The following FGF12 variants were observed in gnomAD, a reference collection of about 807,000 sequenced individuals.
FGF12 encodes fibroblast growth factor 12.
Under a neutral mutation model 23.6 loss-of-function variants are expected in FGF12, and 14 were observed. The observed-to-expected ratio is 0.59, with a 90% CI of 0.39 to 0.93. FGF12 has a LOEUF of 0.93. FGF12 is among the 40% of genes least tolerant of loss of function. FGF12 has a pLI of 0.00. For synonymous variants in FGF12, 62 were observed against 77.3 expected, an observed-to-expected ratio of 0.80 and a Z score of 1.04; for missense variants, 175 against 217.8, an observed-to-expected ratio of 0.80 and a Z score of 1.24.
chr3:192,400,299 TTA>T (rs762616135), intron 2 of FGF12, among the ~76,000 whole-genome samples: 97 of 152,232 alleles, frequency 6.4e-4, no homozygotes, highest in Non-Finnish European at 1.1e-3. Context: ...GTAAACAGCC[TTA>T]TATATATGGG....
chr3:192,718,112 A>G (rs1056299165), intron 2 of FGF12, among the ~76,000 whole-genome samples: 4 of 151,184 alleles, frequency 2.6e-5, no homozygotes, highest in Admixed American at 1.3e-4. Context: ...CAATAATGTC[A>G]GTAAAACACT....
intron 2 of FGF12, among the ~76,000 whole-genome samples, chr3:192,493,658 G>C (rs575932983): frequency 2.0e-5 from 3 of 152,044 alleles, no homozygotes; most frequent in Admixed American, 6.6e-5. Flanking sequence ...TTACAATCAC[G>C]GCAGAAGGTA....
At chr3:192,206,577 CAGCACTCAATCTACATTAGTAAATG>C (rs1717659304) in intron 4 of FGF12, among the ~76,000 whole-genome samples, 1 of 152,174 alleles carries the variant, frequency 6.6e-6, no homozygotes, top group Non-Finnish European at 1.5e-5. Context: ...TCCAGTTTAA[CAGCACTCAATCTACATTAGTAAATG>C]AATATTTCTA....
Position 192,139,471 on chromosome 3 carries a change from G to T in FGF12, c.*4538C>A, listed in dbSNP as rs1314061289. On this transcript the variant is annotated 3_prime_UTR_variant, in exon 6 of 6. Coordinates refer to ENST00000445105, the MANE Select transcript of FGF12 (RefSeq NM_004113.6). Reference sequence around the variant, plus strand: ...TACAACATGTTTACTAAACATTTCAGTGTCAATAATTTCTTAAGATTGTAA... The same window carrying T: ...TACAACATGTTTACTAAACATTTCATTGTCAATAATTTCTTAAGATTGTAA... The T allele has an allele frequency of 1.1e-4, 17 of 152,128 alleles. No individual in the cohort carries two copies. Among genetic ancestry groups the T allele is most frequent in the Admixed American group, 1.1e-3 (17 of 15,278 alleles). The allele number at this position is 152,128 out of a possible 1,614,324, so 9.4% of individuals were successfully genotyped here. A position where few individuals can be genotyped will look rare whatever the true frequency, so the allele number is the denominator to read the frequency against.
chr3:192,175,918 C>CA (rs758690567), intron 4 of FGF12, among the ~76,000 whole-genome samples: 3 of 152,148 alleles, frequency 2.0e-5, no homozygotes, highest in Non-Finnish European at 4.4e-5. Flanking sequence ...TGCACATAGA[C>CA]AACTGTCACA....
chr3:192,504,207 A>T lies in FGF12; in HGVS notation c.14-143669T>A, dbSNP rs1284629578. On this transcript the variant is annotated intron_variant, in intron 2 of 5. Transcript: ENST00000445105. ...CTACTTGAGAGTGGAGGGTGTGGGG[A>T]GGGTGAAGACCAGAAAACTTTCTAT... Among the ~76,000 whole-genome samples the T allele has an allele frequency of 2.6e-5, 4 of 152,190 alleles. No homozygotes were observed. The East Asian group carries it at 7.8e-4, about 29-fold the overall frequency.
chr3:192,387,688 A>C (rs2108758417), intron 2 of FGF12, among the ~76,000 whole-genome samples: 1 of 148,996 alleles, frequency 6.7e-6, no homozygotes, highest in South Asian at 2.2e-4. Context: ...CTCTACAAAA[A>C]AAATACAAAA....
intron 2 of FGF12, among the ~76,000 whole-genome samples, chr3:192,691,216 A>C (rs1717932187): frequency 6.6e-6 from 1 of 152,134 alleles, no homozygotes; most frequent in African/African-American, 2.4e-5. Flanking sequence ...CATTCTATCC[A>C]TCAGCAACAG....
chr3:192,518,297 G>T (rs1724730949), intron 2 of FGF12, among the ~76,000 whole-genome samples: 1 of 152,020 alleles, frequency 6.6e-6, no homozygotes, highest in Non-Finnish European at 1.5e-5. Flanking sequence ...TTTTTGAGAA[G>T]GATTAGGAAT....
At chr3:192,176,208 C>T (rs147085612) in intron 4 of FGF12, among the ~76,000 whole-genome samples, 157 of 152,326 alleles carry the variant, frequency 1.0e-3, no homozygotes, top group African/African-American at 3.6e-3. Flanking sequence ...AACCCTCAAG[C>T]TGTGCTTTGC....
At chr3:192,216,231 G>A (rs1049652877) in intron 4 of FGF12, among the ~76,000 whole-genome samples, 19 of 151,592 alleles carry the variant, frequency 1.3e-4, no homozygotes, top group Admixed American at 3.9e-4. Context: ...TTTTCTCCTC[G>A]CACAAAGAAG....
chr3:192,577,798 G>A (rs1712973647), intron 2 of FGF12, among the ~76,000 whole-genome samples: 1 of 152,136 alleles, frequency 6.6e-6, no homozygotes, highest in Admixed American at 6.5e-5. Context: ...CAAATAGCAG[G>A]TGCCTGAATT....
At chr3:192,382,980 T>C (rs1425865078) in intron 2 of FGF12, among the ~76,000 whole-genome samples, 2 of 152,186 alleles carry the variant, frequency 1.3e-5, no homozygotes, top group African/African-American at 4.8e-5. Context: ...AGTCAAGAGA[T>C]GCCAGTGACT....
At chr3:192,715,751 T>C (rs1386780038) in intron 2 of FGF12, among the ~76,000 whole-genome samples, 1 of 152,254 alleles carries the variant, frequency 6.6e-6, no homozygotes, top group East Asian at 1.9e-4. Context: ...GGTTTCTCTT[T>C]ATGCATATCT....
At chr3:192,719,447 C>T (rs1217773352) in intron 2 of FGF12, among the ~76,000 whole-genome samples, 3 of 151,936 alleles carry the variant, frequency 2.0e-5, no homozygotes, top group Non-Finnish European at 4.4e-5. Flanking sequence ...AATCAAAGCC[C>T]ATAGTAAAAA....
chr3:192,606,076 G>T (rs1342531117), intron 2 of FGF12, among the ~76,000 whole-genome samples: 1 of 152,150 alleles, frequency 6.6e-6, no homozygotes, highest in Admixed American at 6.6e-5. Flanking sequence ...ACTCATATAT[G>T]TTCATCACAG....
intron 4 of FGF12, among the ~76,000 whole-genome samples, chr3:192,195,960 C>G (rs980900797): frequency 6.6e-6 from 1 of 152,194 alleles, no homozygotes; most frequent in East Asian, 1.9e-4. Context: ...TTGAACTTAA[C>G]TCCTCCCATC....
intron 4 of FGF12, among the ~76,000 whole-genome samples, chr3:192,181,696 T>C (rs1005738175): frequency 6.7e-6 from 1 of 148,300 alleles, no homozygotes; most frequent in Non-Finnish European, 1.5e-5. Context: ...AGTAGCGGGA[T>C]CACTGTTCGC....
At chr3:192,147,820 A>G (rs1212025453) in intron 5 of FGF12, among the ~76,000 whole-genome samples, 1 of 131,600 alleles carries the variant, frequency 7.6e-6, no homozygotes, top group East Asian at 2.1e-4. Context: ...AATGACTGAC[A>G]TATCAGTGTT....
Sources: gnomAD v4.1 joint callset for allele counts (sites outside exome capture counted in the v4.1 genomes callset) on GRCh38, gnomAD v4.1.1 for gene constraint, MANE v1.5 for transcripts, NCBI Gene and HGNC (gene_info 2026-07-23, HGNC 2026-07-21) for gene names.